Variants in PDE10A observed in about 807,000 individuals in gnomAD.
The protein encoded by PDE10A is phosphodiesterase 10A.
A neutral mutation model predicts 97.7 loss-of-function variants in PDE10A; 39 were observed. That is an observed-to-expected ratio of 0.40 (90% CI 0.31 to 0.52). The LOEUF is 0.52. Among genes scored for constraint, PDE10A ranks in the 20% least tolerant of loss-of-function variants. PDE10A has a pLI of 0.56. For synonymous variants in PDE10A, 371 were observed against 376.8 expected, an observed-to-expected ratio of 0.98 and a Z score of 0.18; for missense variants, 731 against 1,047.8, an observed-to-expected ratio of 0.70 and a Z score of 4.17.
intron 1 of PDE10A, among the ~76,000 whole-genome samples, chr6:165,846,932 T>C (rs1044609642): frequency 6.6e-6 from 1 of 152,220 alleles, no homozygotes; most frequent in South Asian, 2.1e-4. Context: ...TTTCTACTTA[T>C]GAAAGATTTT....
chr6:165,606,614 A>G (rs1787221110), intron 1 of PDE10A, among the ~76,000 whole-genome samples: 1 of 152,200 alleles, frequency 6.6e-6, no homozygotes, highest in African/African-American at 2.4e-5. Flanking sequence ...GAGGAAAACC[A>G]GAAATACCAC....
chr6:165,902,617 G>C (rs1216033201), intron 1 of PDE10A, among the ~76,000 whole-genome samples: 4 of 152,010 alleles, frequency 2.6e-5, no homozygotes, highest in Non-Finnish European at 5.9e-5. Context: ...GAATTTGTGA[G>C]CCCATCTAGA....
At chr6:165,413,779 G>T in intron 12 of PDE10A, 92 bp from the exon 13 acceptor site, 1 of 987,118 alleles carries the variant, frequency 1.0e-6, no homozygotes, top group Non-Finnish European at 1.5e-6. Flanking sequence ...CTCAATCTTT[G>T]CAATTTACAT....
chr6:165,517,180 C>T (rs1438069962), intron 2 of PDE10A, among the ~76,000 whole-genome samples: 2 of 152,088 alleles, frequency 1.3e-5, no homozygotes, highest in Non-Finnish European at 2.9e-5. Flanking sequence ...CTGATTCTTC[C>T]TTTTAATTTA....
chr6:165,894,484 A>C (rs923084184), intron 1 of PDE10A: 5 of 455,978 alleles, frequency 1.1e-5, no homozygotes, highest in African/African-American at 2.0e-5. Flanking sequence ...GGGAAAACCT[A>C]GATTTATAGC....
chr6:165,545,744 A>T (rs984863076), intron 1 of PDE10A, among the ~76,000 whole-genome samples: 1 of 151,478 alleles, frequency 6.6e-6, no homozygotes, highest in Non-Finnish European at 1.5e-5. Flanking sequence ...GGCTAAAATT[A>T]AAAAAAAACT....
At chr6:165,823,116 G>GCCA (rs935045140) in intron 1 of PDE10A, among the ~76,000 whole-genome samples, 2 of 151,920 alleles carry the variant, frequency 1.3e-5, no homozygotes, top group Non-Finnish European at 2.9e-5. Flanking sequence ...ACAGGAGTGA[G>GCCA]CCACCGCTCC....
At position 165,430,140 on chromosome 6, in the gene PDE10A, T is replaced by C. The variant is rs1789448848; in HGVS notation, c.1601+147A>G. 3 of 597,506 alleles carry C rather than the reference T, an allele frequency of 5.0e-6. No individual in the cohort carries two copies. The South Asian group carries it at 6.7e-5, about 13-fold the overall frequency. 37.0% of individuals were successfully genotyped at this position (597,506 alleles called of 1,614,324 possible). On this transcript the variant is annotated intron_variant, in intron 9 of 21. Coordinates refer to ENST00000539869, the MANE Select transcript of PDE10A (RefSeq NM_001385079.1). ...AATGAGAATATAACTCTACAATCCA[T>C]AATATGATTAACCGTTCCCAGACTA...
chr6:165,374,755 GTT>G (rs67030054), intron 18 of PDE10A, among the ~76,000 whole-genome samples: 4 of 141,312 alleles, frequency 2.8e-5, no homozygotes, highest in Admixed American at 7.1e-5. Context: ...CATGTTTTTG[GTT>G]TTTTTTTTTT....
At chr6:165,435,484 G>C in intron 5 of PDE10A, 107 bp from the exon 6 acceptor site, 1 of 943,136 alleles carries the variant, frequency 1.1e-6, no homozygotes, top group Non-Finnish European at 1.5e-6. Context: ...CCAATTAAAA[G>C]AAGAGTCATA....
chr6:165,725,532 G>A (rs183325448), intron 1 of PDE10A, among the ~76,000 whole-genome samples: 66 of 152,324 alleles, frequency 4.3e-4, no homozygotes, highest in East Asian at 3.5e-3. Context: ...AACTTTTCCC[G>A]TTTCAGTGGA....
chr6:165,763,027 G>A (rs1793289277), intron 1 of PDE10A, among the ~76,000 whole-genome samples: 1 of 152,224 alleles, frequency 6.6e-6, no homozygotes, highest in Non-Finnish European at 1.5e-5. Flanking sequence ...ATTGGCCACA[G>A]ACTAATACAT....
At chr6:165,541,580 T>C (rs947363260) in intron 2 of PDE10A, among the ~76,000 whole-genome samples, 2 of 152,208 alleles carry the variant, frequency 1.3e-5, no homozygotes, top group African/African-American at 4.8e-5. Flanking sequence ...ATTCTTACAC[T>C]ACACTATTAT....
intron 1 of PDE10A, among the ~76,000 whole-genome samples, chr6:165,863,058 C>T (rs1463996487): frequency 6.6e-6 from 1 of 152,172 alleles, no homozygotes; most frequent in Non-Finnish European, 1.5e-5. Flanking sequence ...GCCTTTTAGT[C>T]ACATACATAT....
chr6:165,542,470 G>A (rs1783496145), intron 2 of PDE10A, among the ~76,000 whole-genome samples: 1 of 152,020 alleles, frequency 6.6e-6, no homozygotes, highest in Admixed American at 6.6e-5. Context: ...AACATGCAAA[G>A]AGACTCCTAC....
intron 1 of PDE10A, among the ~76,000 whole-genome samples, chr6:165,969,159 T>C (rs560809806): frequency 6.6e-6 from 1 of 152,364 alleles, no homozygotes; most frequent in South Asian, 2.1e-4. Context: ...CTGCAAATCA[T>C]GTTATGAAGA....
intron 1 of PDE10A, among the ~76,000 whole-genome samples, chr6:165,808,863 G>C (rs1280616407): frequency 6.6e-6 from 1 of 152,176 alleles, no homozygotes; most frequent in Non-Finnish European, 1.5e-5. Context: ...TAAAATAGCA[G>C]GGTGGAATTT....
intron 1 of PDE10A, among the ~76,000 whole-genome samples, chr6:165,952,422 T>C (rs769952607): frequency 6.6e-6 from 1 of 152,374 alleles, no homozygotes; most frequent in Non-Finnish European, 1.5e-5. Flanking sequence ...GAACCTGTTA[T>C]GTTGTATGGT....
intron 1 of PDE10A, among the ~76,000 whole-genome samples, chr6:165,818,182 C>T (rs187952232): frequency 2.0e-5 from 3 of 152,272 alleles, no homozygotes; most frequent in African/African-American, 4.8e-5. Context: ...CTCACTGTCA[C>T]ACGCACCCAT....
Sources: gnomAD v4.1 joint callset for allele counts (sites outside exome capture counted in the v4.1 genomes callset) on GRCh38, gnomAD v4.1.1 for gene constraint, MANE v1.5 for transcripts, NCBI Gene and HGNC (gene_info 2026-07-23, HGNC 2026-07-21) for gene names.